Variants in LIPG observed in about 807,000 individuals in gnomAD.
LIPG encodes the protein endothelial lipase.
A neutral mutation model predicts 51.8 loss-of-function variants in LIPG; 34 were observed. That is an observed-to-expected ratio of 0.66 (90% CI 0.50 to 0.87). The LOEUF is 0.87. Ranked by LOEUF, LIPG falls within the 40% of genes least tolerant of loss-of-function variation. The pLI, the probability that LIPG is intolerant of heterozygous loss-of-function variation, is 0.00. For missense variants in LIPG, 580 were observed against 652.7 expected, an observed-to-expected ratio of 0.89 and a Z score of 1.21; for synonymous variants, 246 against 246.1, an observed-to-expected ratio of 1.00 and a Z score of 0.00.
In LIPG at chr18:49,582,446, G is replaced by T; in HGVS notation, c.1121G>T (p.Gly374Val). The change falls in exon 7 of 10, where the codon GGC (glycine) becomes GTC (valine). Residue 374 changes from glycine (G) to valine (V), a missense_variant. Physicochemically the swap from Gly to Val is moderately radical, Grantham distance 109. Coordinates refer to ENST00000261292, the MANE Select transcript of LIPG (RefSeq NM_006033.4). ...CCCACCTTTTACGTCACCCTTTATG[G>T]CACTAATGCAGATTCCCAGACTCTG... Reference protein sequence around the residue: ...IEPTFYVTLYGTNADSQTLPL... With the variant: ...IEPTFYVTLYVTNADSQTLPL... The T allele has an allele frequency of 6.2e-7, 1 of 1,614,186 alleles. No individual in the cohort carries two copies. Among genetic ancestry groups the T allele is most frequent in the South Asian group, 1.1e-5 (1 of 91,086 alleles).
intron 1 of LIPG, among the ~76,000 whole-genome samples, chr18:49,563,960 G>A (rs548778806): frequency 1.3e-5 from 2 of 152,244 alleles, no homozygotes; most frequent in East Asian, 3.9e-4. Flanking sequence ...GGCTATCTGG[G>A]TAGAAGGTGG....
In LIPG at chr18:49,586,486, A is replaced by G. The variant is rs150455638; in HGVS notation, c.1377-260A>G. ...CTGAGAGGCTATGGCCTTGAGAGGC[A>G]GGTGGCCTTTTGGATAGACAGAAGG... On this transcript the variant is annotated intron_variant, in intron 8 of 9. Coordinates refer to ENST00000261292, the MANE Select transcript of LIPG (RefSeq NM_006033.4). 5.0e-3 allele frequency among the ~76,000 whole-genome samples: 756 copies of G among 152,318 alleles called. 8 individuals carry two copies. The highest frequency in any genetic ancestry group is 0.018 in the African/African-American group (729 of 41,570).
At chr18:49,582,252 C>T in intron 6 of LIPG, 110 bp from the exon 7 acceptor site, 1 of 1,432,198 alleles carries the variant, frequency 7.0e-7, no homozygotes, top group Non-Finnish European at 9.8e-7. Context: ...TGGGCTCAAC[C>T]AAAAGAACAC....
At position 49,597,862 on chromosome 18, in the gene LIPG, CT is replaced by C. The variant is rs1362747094; in HGVS notation, c.*7341del. On this transcript the variant is annotated 3_prime_UTR_variant, in exon 10 of 10. Transcript: ENST00000261292. ...AGGCCAGGAACAGAGGCAGGGTTAT[CT>C]CACTGGAATGGAGAAGCTAAAATGA... 3 of 152,260 alleles carry C rather than the reference CT, an allele frequency of 2.0e-5. No individual in the cohort carries two copies. The highest frequency in any genetic ancestry group is 2.9e-5 in the Non-Finnish European group (2 of 68,056). The allele number at this position is 152,260 out of a possible 1,614,324, so 9.4% of individuals were successfully genotyped here. A position where few individuals can be genotyped will look rare whatever the true frequency, so the allele number is the denominator to read the frequency against.
intron 5 of LIPG, 39 bp from the exon 6 acceptor site, chr18:49,581,376 G>A (rs769806503): frequency 1.2e-6 from 2 of 1,613,640 alleles, no homozygotes; most frequent in African/African-American, 2.7e-5. Flanking sequence ...TCATCAAGAA[G>A]GGCTCATCCT....
chr18:49,569,324 GC>G (rs1249678430), intron 3 of LIPG, 112 bp from the exon 4 acceptor site: 1 of 867,150 alleles, frequency 1.2e-6, no homozygotes, highest in Non-Finnish European at 1.9e-6. Flanking sequence ...GAGTCTCTGT[GC>G]CCACGGCCCC....
At chr18:49,578,808 G>C (rs1306896324) in intron 5 of LIPG, among the ~76,000 whole-genome samples, 1 of 151,354 alleles carries the variant, frequency 6.6e-6, no homozygotes, top group East Asian at 2.0e-4. Flanking sequence ...ATCACTCGCG[G>C]TTAGGGGCTG....
rs2143986469 is a variant in LIPG, at chr18:49,591,457, C to T, written c.*935C>T. 1 of 152,270 alleles carries T rather than the reference C, an allele frequency of 6.6e-6. No individual in the cohort carries two copies. The allele number at this position is 152,270 out of a possible 1,614,324, so 9.4% of individuals were successfully genotyped here. A position where few individuals can be genotyped will look rare whatever the true frequency, so the allele number is the denominator to read the frequency against. ...AAGCAGAGTATCATTCATGCTGGGG[C>T]CAGAATGATGGCCGGTTGCCAGATA... On this transcript the variant is annotated 3_prime_UTR_variant, in exon 10 of 10. Transcript: ENST00000261292.
chr18:49,568,627 T>C (rs2084631722), intron 3 of LIPG, among the ~76,000 whole-genome samples: 1 of 152,124 alleles, frequency 6.6e-6, no homozygotes, highest in Non-Finnish European at 1.5e-5. Flanking sequence ...GTGATCTGCC[T>C]GCCTCGGCCT....
rs554911114 is a variant in LIPG at position 49,568,760 on chromosome 18, A to T, written c.460-677A>T. Among the ~76,000 whole-genome samples the T allele has an allele frequency of 2.0e-5, 3 of 152,276 alleles. No homozygotes were observed. The East Asian group carries it at 5.8e-4, about 29-fold the overall frequency. On this transcript the variant is annotated intron_variant, in intron 3 of 9. Transcript: ENST00000261292. ...GAAGGCAGGGCAGGGTACACTGTCAAAGCGGCACCATTATCTGGGCAATTC... is the reference window on the plus strand; with the variant it reads ...GAAGGCAGGGCAGGGTACACTGTCATAGCGGCACCATTATCTGGGCAATTC...
At chr18:49,581,143 C>G (rs1283570041) in intron 5 of LIPG, among the ~76,000 whole-genome samples, 3 of 152,044 alleles carry the variant, frequency 2.0e-5, no homozygotes, top group Non-Finnish European at 4.4e-5. Flanking sequence ...GCCTGTCGTC[C>G]CAGATACTGG....
chr18:49,587,952 C>T (rs2084901242), intron 9 of LIPG, among the ~76,000 whole-genome samples: 1 of 152,114 alleles, frequency 6.6e-6, no homozygotes, highest in African/African-American at 2.4e-5. Context: ...CCACGCTGAG[C>T]TAATTTGTGT....
rs2084972652 is a variant in LIPG at position 49,594,755 on chromosome 18, A to T, written c.*4233A>T. The T allele has an allele frequency of 6.6e-6, 1 of 152,170 alleles. No homozygotes were observed. Among genetic ancestry groups the T allele is most frequent in the East Asian group, 1.9e-4 (1 of 5,200 alleles). The allele number at this position is 152,170 out of a possible 1,614,324, so 9.4% of individuals were successfully genotyped here. A position where few individuals can be genotyped will look rare whatever the true frequency, so the allele number is the denominator to read the frequency against. On this transcript the variant is annotated 3_prime_UTR_variant, in exon 10 of 10. Transcript: ENST00000261292. The stretch of plus-strand genomic sequence containing the variant: ...ATAAAGGGCTTTAGTGATGGTGGAA[A>T]CTCCACTGTCCATCTCTACCAGGAC...
At chr18:49,582,615 G>A in intron 7 of LIPG, 133 bp downstream of exon 7, 1 of 1,200,254 alleles carries the variant, frequency 8.3e-7, no homozygotes, top group Non-Finnish European at 1.2e-6. Context: ...GAGGAGCCAG[G>A]TGGTCTAGCT....
rs1386397373 is a variant in LIPG at position 49,596,180 on chromosome 18, T to G, written c.*5658T>G. 1 of 152,138 alleles carries G rather than the reference T, an allele frequency of 6.6e-6. No individual in the cohort carries two copies. Among genetic ancestry groups the G allele is most frequent in the African/African-American group, 2.4e-5 (1 of 41,420 alleles). 9.4% of individuals were successfully genotyped at this position (152,138 alleles called of 1,614,324 possible). On this transcript the variant is annotated 3_prime_UTR_variant, in exon 10 of 10. Coordinates refer to ENST00000261292, the MANE Select transcript of LIPG (RefSeq NM_006033.4). The stretch of plus-strand genomic sequence containing the variant: ...CCCCAAAACAAAAATGAATTCCATC[T>G]GAATAAAAGGTATAAATGTGAAAGT...
intron 3 of LIPG, among the ~76,000 whole-genome samples, chr18:49,569,124 C>T (rs2084636913): frequency 6.6e-6 from 1 of 152,036 alleles, no homozygotes; most frequent in Non-Finnish European, 1.5e-5. Flanking sequence ...CCATCACCCT[C>T]CCCTCTCTTA....
At chr18:49,584,142 T>C (rs148165040) in intron 8 of LIPG, among the ~76,000 whole-genome samples, 1 of 152,248 alleles carries the variant, frequency 6.6e-6, no homozygotes, top group African/African-American at 2.4e-5. Context: ...GACAAAAGGC[T>C]TTGCTTGCTT....
At position 49,591,920 on chromosome 18, in the gene LIPG, A is replaced by G. The variant is rs977993228; in HGVS notation, c.*1398A>G. 2 of 152,196 alleles carry G rather than the reference A, an allele frequency of 1.3e-5. No individual in the cohort carries two copies. Among genetic ancestry groups the G allele is most frequent in the Non-Finnish European group, 2.9e-5 (2 of 68,042 alleles). The allele number at this position is 152,196 out of a possible 1,614,324, so 9.4% of individuals were successfully genotyped here. ...AGGCAAAGTCTATCTCTGAAACTCCATGAAGACTTTTGCAGCCAGTTCCCA... is the reference window on the plus strand; with the variant it reads ...AGGCAAAGTCTATCTCTGAAACTCCGTGAAGACTTTTGCAGCCAGTTCCCA... On this transcript the variant is annotated 3_prime_UTR_variant, in exon 10 of 10. Coordinates refer to ENST00000261292, the MANE Select transcript of LIPG (RefSeq NM_006033.4).
intron 4 of LIPG, among the ~76,000 whole-genome samples, chr18:49,572,627 A>G (rs1416504807): frequency 6.7e-6 from 1 of 149,862 alleles, no homozygotes; most frequent in Non-Finnish European, 1.5e-5. Flanking sequence ...GCTACTCGGG[A>G]TGCTGAGGTG....
Sources: gnomAD v4.1 joint callset for allele counts (sites outside exome capture counted in the v4.1 genomes callset) on GRCh38, gnomAD v4.1.1 for gene constraint, MANE v1.5 for transcripts, NCBI Gene and HGNC (gene_info 2026-07-23, HGNC 2026-07-21) for gene names.